Variants in ABCA9 observed in about 807,000 individuals in gnomAD.
ABCA9 encodes ATP binding cassette subfamily A member 9.
In ABCA9, 183 loss-of-function variants were observed where a neutral mutation model predicts 205.3. That is an observed-to-expected ratio of 0.89 (90% CI 0.79 to 1.01). ABCA9 has a LOEUF of 1.01. ABCA9 is among the 50% of genes least tolerant of loss of function. The pLI is 0.00. For synonymous variants in ABCA9, 651 were observed against 683.3 expected (o/e 0.95, Z 0.74); for missense variants, 1,805 against 1,912.4 (o/e 0.94, Z 1.05).
the ABCA9 span, among the ~76,000 whole-genome samples, chr17:69,077,803 AT>A: frequency 9.4e-4 from 139 of 147,594 alleles, no homozygotes; most frequent in African/African-American, 1.0e-3. Flanking sequence ...TGGTCTTTGA[AT>A]TTTTTTTTTT....
At chr17:69,011,691 A>G (rs1050418698) in intron 23 of ABCA9, 9 of 272,498 alleles carry the variant, frequency 3.3e-5, no homozygotes, top group Non-Finnish European at 3.4e-5. Context: ...AGATGTGATT[A>G]TGTCTGTGAG....
At chr17:69,062,377 G>A (rs952080479), upstream of ABCA9, among the ~76,000 whole-genome samples, 9 of 151,678 alleles carry the variant, frequency 5.9e-5, no homozygotes, top group African/African-American at 1.9e-4. Context: ...TTTGACTTTC[G>A]GTTCTAAATT....
intron 25 of ABCA9, among the ~76,000 whole-genome samples, chr17:68,997,843 TG>T (rs1305148014): frequency 2.6e-5 from 4 of 152,182 alleles, no homozygotes; most frequent in African/African-American, 4.8e-5. Context: ...TTACTCTTGT[TG>T]TTGGACATTC....
At chr17:69,040,213 C>T (rs914484641) in intron 6 of ABCA9, among the ~76,000 whole-genome samples, 6 of 152,164 alleles carry the variant, frequency 3.9e-5, no homozygotes, top group African/African-American at 1.2e-4. Flanking sequence ...TGGGTATATA[C>T]GCTAAGGATC....
At chr17:68,982,916 G>A (rs1272066205) in intron 36 of ABCA9, among the ~76,000 whole-genome samples, 2 of 152,178 alleles carry the variant, frequency 1.3e-5, no homozygotes, top group Non-Finnish European at 2.9e-5. Flanking sequence ...TGAGGCAGGA[G>A]GACCACTTGA....
intron 25 of ABCA9, among the ~76,000 whole-genome samples, chr17:69,005,297 G>A (rs1238767541): frequency 6.6e-6 from 1 of 152,132 alleles, no homozygotes; most frequent in East Asian, 1.9e-4. Context: ...CATGTCCAGT[G>A]TTCTGCACCA....
At chr17:69,053,558 A>T (rs1300158063) in intron 1 of ABCA9, among the ~76,000 whole-genome samples, 2 of 152,182 alleles carry the variant, frequency 1.3e-5, no homozygotes, top group African/African-American at 2.4e-5. Context: ...TACTATCAGA[A>T]ATGAAGAATG....
the ABCA9 span, among the ~76,000 whole-genome samples, chr17:69,074,312 T>C: frequency 2.6e-5 from 4 of 152,218 alleles, no homozygotes; most frequent in South Asian, 2.1e-4. Flanking sequence ...CTTACATGAG[T>C]ATATTGCATG....
upstream of ABCA9, among the ~76,000 whole-genome samples, chr17:69,065,949 C>G (rs1397147582): frequency 6.6e-6 from 1 of 152,128 alleles, no homozygotes; most frequent in Admixed American, 6.6e-5. Context: ...TTCCTGCCAC[C>G]CTGTGAAGAA....
At chr17:69,039,373 C>G (rs1369449960) in intron 6 of ABCA9, among the ~76,000 whole-genome samples, 1 of 150,286 alleles carries the variant, frequency 6.7e-6, no homozygotes, top group Non-Finnish European at 1.5e-5. Flanking sequence ...GATATATAGA[C>G]AAATGGAGAG....
At chr17:69,054,381 G>A (rs1282277803) in intron 1 of ABCA9, among the ~76,000 whole-genome samples, 1 of 151,878 alleles carries the variant, frequency 6.6e-6, no homozygotes, top group Non-Finnish European at 1.5e-5. Flanking sequence ...ATTTAAATTA[G>A]TGAGGCATGA....
chr17:69,016,229 T>G (rs1191783331), intron 22 of ABCA9, 24 bp downstream of exon 22: 1 of 1,536,690 alleles, frequency 6.5e-7, no homozygotes, highest in African/African-American at 1.4e-5. Context: ...TGGCACAGTA[T>G]AAATGAGATA....
At position 68,986,165 on chromosome 17, in the gene ABCA9, G is replaced by C. The variant is rs764094824; in HGVS notation, c.4207C>G (p.Arg1403Gly). 6.2e-7 allele frequency: 1 copy of C among 1,608,720 alleles called. No individual in the cohort carries two copies. Among genetic ancestry groups the C allele is most frequent in the African/African-American group, 1.3e-5 (1 of 74,724 alleles). The change falls in exon 32 of 39, where the codon CGG becomes GGG. Residue 1403 changes from arginine to glycine, a missense_variant and splice_region_variant. Transcript: ENST00000340001. Reference protein sequence around the residue: ...RKGDAMIAITRLVDALKLQDQ... With the variant: ...RKGDAMIAITGLVDALKLQDQ... ...GGAGTGCCCCCCAGTCCCAGGTACC[G>C]TGTGATGGCGATCATTGCGTCCCCT...
At chr17:68,978,593 C>T (rs956185957) in intron 37 of ABCA9, among the ~76,000 whole-genome samples, 1 of 152,190 alleles carries the variant, frequency 6.6e-6, no homozygotes, top group African/African-American at 2.4e-5. Context: ...CATGTTTTTG[C>T]AGTGGCTGGT....
chr17:68,986,155 C>G lies in ABCA9; in HGVS notation c.4208+9G>C. 1 of 1,601,272 alleles carries G rather than the reference C, an allele frequency of 6.2e-7. No homozygotes were observed. On this transcript the variant is annotated intron_variant, in intron 32 of 38. Coordinates refer to ENST00000340001, the MANE Select transcript of ABCA9 (RefSeq NM_080283.4). ...CCAGCAAAGGGGAGTGCCCCCCAGT[C>G]CCAGGTACCGTGTGATGGCGATCAT...
In ABCA9 at chr17:69,024,196, A is replaced by C. The variant is rs773276312; in HGVS notation, c.2281+18T>G. The C allele has an allele frequency of 3.1e-6, 5 of 1,610,684 alleles. No homozygotes were observed. In the Admixed American group the frequency reaches 8.3e-5, roughly 27 times the overall value. On this transcript the variant is annotated intron_variant, in intron 17 of 38. Coordinates refer to ENST00000340001, the MANE Select transcript of ABCA9 (RefSeq NM_080283.4). ...AACACCATTCCAAAACCATTCTGTC[A>C]TCTTTACATTTTGTTACCTGGAAAT... is the stretch of plus-strand genomic sequence containing the variant.
chr17:69,006,152 G>A (rs1227811553), intron 25 of ABCA9, among the ~76,000 whole-genome samples: 2 of 151,992 alleles, frequency 1.3e-5, no homozygotes, highest in Non-Finnish European at 2.9e-5. Flanking sequence ...TCAAATGTGA[G>A]GCATCCCCCA....
chr17:69,018,213 T>C, intron 20 of ABCA9, 200 bp downstream of exon 20: 1 of 485,746 alleles, frequency 2.1e-6, no homozygotes. Context: ...AACATTAAGG[T>C]TAAGTAAACT....
At chr17:68,996,578 A>G (rs2069632117) in intron 25 of ABCA9, among the ~76,000 whole-genome samples, 1 of 152,224 alleles carries the variant, frequency 6.6e-6, no homozygotes, top group Non-Finnish European at 1.5e-5. Context: ...TAAAATTTTA[A>G]CAGTTGCTAA....
Sources: gnomAD v4.1 joint callset for allele counts (sites outside exome capture counted in the v4.1 genomes callset) on GRCh38, gnomAD v4.1.1 for gene constraint, MANE v1.5 for transcripts, NCBI Gene and HGNC (gene_info 2026-07-23, HGNC 2026-07-21) for gene names.